Variants in WDR59 observed in about 807,000 individuals in gnomAD.
WDR59 encodes WD repeat domain 59.
WDR59 carries 100 observed loss-of-function variants against 131.2 expected under a neutral mutation model. The ratio of observed to expected loss-of-function variants is 0.76; its 90% CI spans 0.65 to 0.90. The LOEUF (loss-of-function observed/expected upper bound fraction) is 0.90. WDR59 is among the 40% of genes least tolerant of loss of function. The pLI, the probability that WDR59 is intolerant of heterozygous loss-of-function variation, is 0.00. For missense variants in WDR59, 1,203 were observed against 1,262.2 expected (o/e 0.95, Z 0.71); for synonymous variants, 601 against 466.2 (o/e 1.29, Z -3.72).
chr16:74,887,041 A>C (rs574132877), intron 23 of WDR59, among the ~76,000 whole-genome samples: 2 of 152,352 alleles, frequency 1.3e-5, no homozygotes, highest in South Asian at 4.1e-4. Context: ...ATAATGAAAA[A>C]TAGAACACAA....
chr16:74,951,652 G>T (rs1462344275), intron 3 of WDR59, 109 bp from the exon 4 acceptor site: 3 of 905,312 alleles, frequency 3.3e-6, no homozygotes, highest in African/African-American at 1.7e-5. Context: ...GCATGGCAAA[G>T]ATCCTTCAGG....
chr16:74,943,467 C>T (rs981815940), intron 6 of WDR59, among the ~76,000 whole-genome samples: 2 of 152,090 alleles, frequency 1.3e-5, no homozygotes, highest in Non-Finnish European at 2.9e-5. Flanking sequence ...CCCTCTCTGC[C>T]AATACAGAGT....
At chr16:74,979,855 T>C (rs1302258996) in intron 1 of WDR59, among the ~76,000 whole-genome samples, 1 of 132,724 alleles carries the variant, frequency 7.5e-6, no homozygotes, top group Admixed American at 7.8e-5. Flanking sequence ...TTTTTTTTTT[T>C]TTTTTTTCTT....
intron 7 of WDR59, among the ~76,000 whole-genome samples, chr16:74,939,164 C>T (rs939370450): frequency 6.6e-6 from 1 of 152,004 alleles, no homozygotes; most frequent in African/African-American, 2.4e-5. Flanking sequence ...TGGTCTCGAA[C>T]TCCTGGCCTC....
chr16:74,900,407 G>A (rs147223660), intron 18 of WDR59, among the ~76,000 whole-genome samples: 16 of 152,254 alleles, frequency 1.1e-4, no homozygotes, highest in South Asian at 1.0e-3. Flanking sequence ...ATCTGTTTAC[G>A]GAGATCAGAA....
At chr16:74,909,789 C>A (rs1263083148) in intron 15 of WDR59, 33 bp downstream of exon 15, 5 of 1,598,354 alleles carry the variant, frequency 3.1e-6, no homozygotes, top group Non-Finnish European at 4.3e-6. Flanking sequence ...AACACCAAAG[C>A]CTAAGTTGGT....
chr16:74,918,544 C>G (rs977062306), intron 10 of WDR59, among the ~76,000 whole-genome samples: 12 of 152,170 alleles, frequency 7.9e-5, no homozygotes, highest in African/African-American at 2.7e-4. Context: ...TGATGTATCT[C>G]TTTGTAAAAT....
chr16:74,921,489 C>A (rs1403345761), intron 10 of WDR59, among the ~76,000 whole-genome samples: 3 of 152,042 alleles, frequency 2.0e-5, no homozygotes, highest in African/African-American at 7.3e-5. Context: ...ATCACATCAT[C>A]TGTTTTCTTT....
chr16:74,924,173 C>T (rs1016993957), intron 8 of WDR59, among the ~76,000 whole-genome samples, 170 bp from the exon 9 acceptor site: 1 of 152,154 alleles, frequency 6.6e-6, no homozygotes, highest in Non-Finnish European at 1.5e-5. Flanking sequence ...CACAAAGAAA[C>T]CTCCCTTTCT....
At chr16:74,934,922 T>C (rs1230403534) in intron 8 of WDR59, among the ~76,000 whole-genome samples, 2 of 151,984 alleles carry the variant, frequency 1.3e-5, no homozygotes. Context: ...AAGCTACATG[T>C]TTCTCACCAG....
chr16:74,943,449 G>T (rs1347566537), intron 6 of WDR59, among the ~76,000 whole-genome samples: 1 of 152,122 alleles, frequency 6.6e-6, no homozygotes, highest in Non-Finnish European at 1.5e-5. Context: ...TGTGACCTCA[G>T]TCCTTTTCCC....
intron 25 of WDR59, among the ~76,000 whole-genome samples, chr16:74,877,756 T>C (rs1409485173): frequency 2.6e-5 from 4 of 152,056 alleles, no homozygotes; most frequent in Non-Finnish European, 5.9e-5. Context: ...TGTTGGCCAG[T>C]CTGGTCTCGA....
chr16:74,972,115 T>G (rs921787042), intron 1 of WDR59, among the ~76,000 whole-genome samples: 1 of 152,176 alleles, frequency 6.6e-6, no homozygotes, highest in African/African-American at 2.4e-5. Flanking sequence ...CAGAAGAGAA[T>G]GAAGTTCTTA....
intron 25 of WDR59, among the ~76,000 whole-genome samples, chr16:74,880,895 T>A (rs889395186): frequency 1.3e-5 from 2 of 152,214 alleles, no homozygotes; most frequent in African/African-American, 2.4e-5. Flanking sequence ...TTAATCAACA[T>A]CACCTATTAC....
At chr16:74,875,433 GCCTTT>G (rs1242809753) in intron 25 of WDR59, among the ~76,000 whole-genome samples, 2 of 152,154 alleles carry the variant, frequency 1.3e-5, no homozygotes, top group East Asian at 3.8e-4. Flanking sequence ...AGCTTCACCA[GCCTTT>G]CCCCCTTTTC....
chr16:74,945,791 G>C (rs2032585663), intron 6 of WDR59, among the ~76,000 whole-genome samples: 1 of 151,480 alleles, frequency 6.6e-6, no homozygotes, highest in South Asian at 2.1e-4. Flanking sequence ...CTGAGAGAGA[G>C]AGAGACAGGC....
In WDR59 at chr16:74,981,641, TATATATATA is replaced by T. The variant is rs1480591900; in HGVS notation, c.54+3314_54+3322del. 3.6e-3 allele frequency among the ~76,000 whole-genome samples: 183 copies of T among 50,196 alleles called. 25 individuals are homozygous for T. Among genetic ancestry groups the T allele is most frequent in the African/African-American group, 0.022 (165 of 7,352 alleles). The allele number at this position is 50,196 out of a possible 152,430, so 32.9% of individuals were successfully genotyped here. ...ATATATATATATATATATATATATA[TATATATATA>T]TATATATATATTTTTTTTTTTTTTA... On this transcript the variant is annotated intron_variant, in intron 1 of 25. Coordinates refer to ENST00000262144, the MANE Select transcript of WDR59 (RefSeq NM_030581.4).
At chr16:74,971,278 G>C (rs570404838) in intron 1 of WDR59, among the ~76,000 whole-genome samples, 1 of 152,078 alleles carries the variant, frequency 6.6e-6, no homozygotes, top group South Asian at 2.1e-4. Flanking sequence ...ACTGCATGCT[G>C]TGTGAGACGT....
chr16:74,956,411 T>C (rs2033291671), intron 3 of WDR59, 64 bp downstream of exon 3: 4 of 1,582,288 alleles, frequency 2.5e-6, no homozygotes, highest in Non-Finnish European at 3.4e-6. Context: ...ACACAGGGCA[T>C]AGATCTGCCA....
Sources: gnomAD v4.1 joint callset for allele counts (sites outside exome capture counted in the v4.1 genomes callset) on GRCh38, gnomAD v4.1.1 for gene constraint, MANE v1.5 for transcripts, NCBI Gene and HGNC (gene_info 2026-07-23, HGNC 2026-07-21) for gene names.